Variants in CTNNA3 observed in about 807,000 individuals in gnomAD.
The protein encoded by CTNNA3 is catenin alpha-3.
Under a neutral mutation model 95.7 loss-of-function variants are expected in CTNNA3, and 76 were observed. That is an observed-to-expected ratio of 0.79 (90% confidence interval 0.66 to 0.96). The LOEUF is 0.96. Ranked by LOEUF, CTNNA3 falls within the 40% of genes least tolerant of loss-of-function variation. The pLI is 0.00. For synonymous variants in CTNNA3, 431 were observed against 374.4 expected, an observed-to-expected ratio of 1.15 and a Z score of -1.74; for missense variants, 1,191 against 1,089.8, an observed-to-expected ratio of 1.09 and a Z score of -1.31.
chr10:66,533,159 C>T (rs1024841525), intron 10 of CTNNA3, among the ~76,000 whole-genome samples: 6 of 151,978 alleles, frequency 3.9e-5, no homozygotes, highest in Non-Finnish European at 5.9e-5. Flanking sequence ...AATATTTGGC[C>T]CCTGTTTATT....
intron 13 of CTNNA3, among the ~76,000 whole-genome samples, chr10:66,108,932 A>C (rs1408808212): frequency 1.5e-5 from 2 of 130,806 alleles, no homozygotes. Flanking sequence ...CTTGAATTTT[A>C]AAAAAATCCT....
At chr10:67,297,157 T>C (rs1840073436) in intron 5 of CTNNA3, among the ~76,000 whole-genome samples, 1 of 152,218 alleles carries the variant, frequency 6.6e-6, no homozygotes, top group South Asian at 2.1e-4. Flanking sequence ...ATTCACAGAA[T>C]GAGTCATTTG....
Position 66,965,020 on chromosome 10 carries a change from T to C in CTNNA3, c.1048-189496A>G, listed in dbSNP as rs1414562314. On this transcript the variant is annotated intron_variant, in intron 7 of 17. Coordinates refer to ENST00000433211, the MANE Select transcript of CTNNA3 (RefSeq NM_013266.4). ...CAATAAGATTGCCACGTTCCACTCTTGAATTAAAGCAAACAAGCAAATATT... is the reference window on the plus strand; with the variant it reads ...CAATAAGATTGCCACGTTCCACTCTCGAATTAAAGCAAACAAGCAAATATT... Among the ~76,000 whole-genome samples the C allele has an allele frequency of 2.0e-5, 3 of 152,204 alleles. No homozygotes were observed. In the East Asian group the frequency reaches 5.8e-4, roughly 29 times the overall value.
chr10:67,720,001 A>G (rs1841168582), intron 1 of CTNNA3, among the ~76,000 whole-genome samples: 1 of 151,882 alleles, frequency 6.6e-6, no homozygotes, highest in Non-Finnish European at 1.5e-5. Flanking sequence ...GTTTGCATAT[A>G]CATTCGGAAT....
chr10:66,856,682 T>C (rs1426523002), intron 7 of CTNNA3, among the ~76,000 whole-genome samples: 1 of 152,136 alleles, frequency 6.6e-6, no homozygotes, highest in Non-Finnish European at 1.5e-5. Context: ...TTTCTTCATA[T>C]GCTTGTTGGC....
At chr10:67,139,671 C>T (rs961319383) in intron 7 of CTNNA3, among the ~76,000 whole-genome samples, 11 of 152,060 alleles carry the variant, frequency 7.2e-5, no homozygotes, top group Non-Finnish European at 1.5e-4. Context: ...CCTCAGCCTC[C>T]CAAAGTGCTG....
intron 5 of CTNNA3, among the ~76,000 whole-genome samples, chr10:67,306,746 G>A (rs534647150): frequency 3.3e-5 from 5 of 151,818 alleles, no homozygotes; most frequent in Non-Finnish European, 7.4e-5. Flanking sequence ...TGATAGCTTT[G>A]GCTCTGAGCC....
intron 3 of CTNNA3, among the ~76,000 whole-genome samples, chr10:67,593,474 C>T (rs1842843796): frequency 1.3e-5 from 2 of 152,098 alleles, no homozygotes; most frequent in Non-Finnish European, 2.9e-5. Context: ...GACCTTTCAC[C>T]TCCCTGATTA....
At chr10:66,775,927 AG>A (rs1564675356) in intron 7 of CTNNA3, among the ~76,000 whole-genome samples, 1 of 152,194 alleles carries the variant, frequency 6.6e-6, no homozygotes, top group African/African-American at 2.4e-5. Flanking sequence ...GTATTGTGTA[AG>A]TTATGCAGAG....
chr10:66,017,176 CATTAT>C (rs1433451913), intron 15 of CTNNA3, among the ~76,000 whole-genome samples: 2 of 152,140 alleles, frequency 1.3e-5, no homozygotes, highest in African/African-American at 4.8e-5. Flanking sequence ...ATTACAATTA[CATTAT>C]ATCATACAAC....
At chr10:66,732,571 G>A (rs1848996329) in intron 9 of CTNNA3, among the ~76,000 whole-genome samples, 1 of 152,092 alleles carries the variant, frequency 6.6e-6, no homozygotes, top group Non-Finnish European at 1.5e-5. Context: ...GTGGCAGGAA[G>A]GAGAAGTACC....
At chr10:67,366,533 T>G (rs1262411289) in intron 5 of CTNNA3, among the ~76,000 whole-genome samples, 1 of 151,788 alleles carries the variant, frequency 6.6e-6, no homozygotes, top group Non-Finnish European at 1.5e-5. Flanking sequence ...CCCAGCTACT[T>G]GGGAGGGTGA....
chr10:66,158,763 T>C, intron 13 of CTNNA3, among the ~76,000 whole-genome samples: 1 of 152,140 alleles, frequency 6.6e-6, no homozygotes, highest in East Asian at 1.9e-4. Flanking sequence ...ACAATATTGA[T>C]TCTACCCATT....
chr10:66,752,035 A>G (rs923001219), intron 9 of CTNNA3, among the ~76,000 whole-genome samples: 4 of 152,200 alleles, frequency 2.6e-5, no homozygotes, highest in Non-Finnish European at 5.9e-5. Flanking sequence ...TTAAACTAAT[A>G]TAACGATTCA....
At chr10:67,401,023 A>C (rs1475674271) in intron 5 of CTNNA3, among the ~76,000 whole-genome samples, 1 of 152,228 alleles carries the variant, frequency 6.6e-6, no homozygotes. Flanking sequence ...ATTCCTAGGC[A>C]AATACAAAAA....
At chr10:66,131,369 A>G (rs2083096324) in intron 13 of CTNNA3, among the ~76,000 whole-genome samples, 1 of 152,180 alleles carries the variant, frequency 6.6e-6, no homozygotes, top group South Asian at 2.1e-4. Flanking sequence ...ACCCACCACA[A>G]TCAAGAATGC....
At chr10:66,355,992 G>A (rs995199075) in intron 12 of CTNNA3, among the ~76,000 whole-genome samples, 2 of 150,182 alleles carry the variant, frequency 1.3e-5, no homozygotes, top group African/African-American at 4.8e-5. Flanking sequence ...TTTGATTTCT[G>A]AACTTTCCAA....
At chr10:67,721,789 A>C (rs1399347451) in intron 1 of CTNNA3, among the ~76,000 whole-genome samples, 1 of 152,052 alleles carries the variant, frequency 6.6e-6, no homozygotes, top group East Asian at 1.9e-4. Context: ...CCTCATCTTC[A>C]TGGATTTATC....
chr10:66,376,990 A>G (rs2092800797), intron 12 of CTNNA3, among the ~76,000 whole-genome samples: 1 of 152,112 alleles, frequency 6.6e-6, no homozygotes, highest in Non-Finnish European at 1.5e-5. Context: ...AAATTTTCAC[A>G]TTTTTCAGCT....
Sources: allele counts gnomAD v4.1 joint callset (sites outside exome capture counted in the v4.1 genomes callset), GRCh38; gene constraint gnomAD v4.1.1; transcripts MANE v1.5; gene names NCBI Gene and HGNC (gene_info 2026-07-23, HGNC 2026-07-21).